Variants in LARP4B observed in about 807,000 individuals in gnomAD.
LARP4B encodes the protein La ribonucleoprotein 4B.
LARP4B carries 12 observed loss-of-function variants against 89.8 expected under a neutral mutation model. That is an observed-to-expected ratio of 0.13 (90% CI 0.09 to 0.22). The LOEUF (loss-of-function observed/expected upper bound fraction) is 0.22, where lower values mean the gene tolerates loss of function less well. Ranked by LOEUF, LARP4B falls within the 10% of genes least tolerant of loss-of-function variation. The pLI, the probability that LARP4B is intolerant of heterozygous loss-of-function variation, is 1.00. For missense variants in LARP4B, 757 were observed against 947.7 expected, an observed-to-expected ratio of 0.80 and a Z score of 2.64; for synonymous variants, 367 against 363.3, an observed-to-expected ratio of 1.01 and a Z score of -0.12.
At chr10:894,845 A>T (rs1482218482) in intron 1 of LARP4B, among the ~76,000 whole-genome samples, 1 of 152,226 alleles carries the variant, frequency 6.6e-6, no homozygotes, top group Non-Finnish European at 1.5e-5. Flanking sequence ...ATGACTGGTG[A>T]ACTGAGGATC....
intron 8 of LARP4B, 64 bp downstream of exon 8, chr10:836,339 A>T (rs1397011666): frequency 8.5e-7 from 1 of 1,172,390 alleles, no homozygotes; most frequent in Non-Finnish European, 1.3e-6. Flanking sequence ...AGTAAAATAA[A>T]ATCAAAACCA....
chr10:934,403 TG>T (rs767092079), upstream of LARP4B, among the ~76,000 whole-genome samples: 87 of 152,068 alleles, frequency 5.7e-4, no homozygotes, highest in Middle Eastern at 6.8e-3. Flanking sequence ...GAGGCTGAGG[TG>T]GGAGGATCGC....
the LARP4B span, among the ~76,000 whole-genome samples, chr10:945,493 T>C: frequency 9.2e-5 from 14 of 151,792 alleles, no homozygotes; most frequent in East Asian, 1.4e-3. Flanking sequence ...GAGACCATCC[T>C]GGCTAATATG....
chr10:933,193 AATT>A (rs1826343974), upstream of LARP4B: 1 of 152,310 alleles, frequency 6.6e-6, no homozygotes, highest in South Asian at 2.1e-4. Context: ...ACATATTATC[AATT>A]ATTCCAAATT....
chr10:884,659 A>T (rs1299044731), intron 2 of LARP4B, among the ~76,000 whole-genome samples, 153 bp from the exon 3 acceptor site: 1 of 152,208 alleles, frequency 6.6e-6, no homozygotes, highest in Non-Finnish European at 1.5e-5. Flanking sequence ...AGAATGTAGG[A>T]GGCTTAAAAT....
chr10:851,700 T>C (rs1238165010), intron 5 of LARP4B, among the ~76,000 whole-genome samples: 5 of 152,046 alleles, frequency 3.3e-5, no homozygotes, highest in African/African-American at 9.7e-5. Context: ...AAACCAAAGC[T>C]CCCTCAAGAA....
intron 13 of LARP4B, among the ~76,000 whole-genome samples, chr10:821,377 A>T (rs1012455903): frequency 6.6e-6 from 1 of 152,090 alleles, no homozygotes; most frequent in African/African-American, 2.4e-5. Flanking sequence ...CTGTGCCCCA[A>T]AGACTTCCTG....
chr10:888,112 G>C (rs547754843), intron 1 of LARP4B, among the ~76,000 whole-genome samples: 122 of 152,032 alleles, frequency 8.0e-4, no homozygotes, highest in African/African-American at 2.8e-3. Flanking sequence ...CTGAGGCCAG[G>C]AGTTCGAGAC....
chr10:987,450 G>C, the LARP4B span: 2 of 152,252 alleles, frequency 1.3e-5, no homozygotes, highest in Non-Finnish European at 2.9e-5. Flanking sequence ...CAGGTTTGCT[G>C]GAGCCAGGCT....
chr10:949,737 A>G, the LARP4B span, among the ~76,000 whole-genome samples: 1 of 152,032 alleles, frequency 6.6e-6, no homozygotes, highest in African/African-American at 2.4e-5. Flanking sequence ...TCTTGTGCTT[A>G]TTTGCCATTC....
the LARP4B span, among the ~76,000 whole-genome samples, chr10:945,482 C>A: frequency 6.6e-6 from 1 of 151,468 alleles, no homozygotes; most frequent in African/African-American, 2.4e-5. Flanking sequence ...GTCAGGAGAT[C>A]GAGACCATCC....
chr10:972,480 C>G, the LARP4B span: 1 of 455,916 alleles, frequency 2.2e-6, no homozygotes, highest in South Asian at 1.6e-5. Flanking sequence ...GCAGGACAGT[C>G]CACAGCTCTC....
upstream of LARP4B, among the ~76,000 whole-genome samples, chr10:935,894 G>C (rs1014289033): frequency 1.4e-5 from 2 of 142,986 alleles, no homozygotes; most frequent in South Asian, 2.2e-4. Flanking sequence ...AATTTTTGTT[G>C]TTTTTTTTTT....
intron 7 of LARP4B, among the ~76,000 whole-genome samples, chr10:841,601 A>C (rs1833524323): frequency 6.6e-6 from 1 of 152,242 alleles, no homozygotes; most frequent in Non-Finnish European, 1.5e-5. Context: ...TCCGAAAAGG[A>C]ATAACTAAAC....
At chr10:839,162 C>T (rs376706662) in intron 7 of LARP4B, among the ~76,000 whole-genome samples, 3 of 152,210 alleles carry the variant, frequency 2.0e-5, no homozygotes, top group African/African-American at 7.2e-5. Context: ...TAAAATTACC[C>T]TGTATGATAC....
the LARP4B span, among the ~76,000 whole-genome samples, chr10:938,772 G>A: frequency 3.9e-5 from 6 of 152,286 alleles, no homozygotes; most frequent in African/African-American, 1.4e-4. Flanking sequence ...TGGTAAATCC[G>A]AGGGTAGGAT....
At position 825,654 on chromosome 10, in the gene LARP4B, A is replaced by G. The variant is rs1054774314; in HGVS notation, c.1232+110T>C. On this transcript the variant is annotated intron_variant, in intron 12 of 17. Transcript: ENST00000316157. ...TTTACAGAATGCAGCTGTGTGCTTC[A>G]GGTGGCTCTGTCTGCGAGGAGCAGG... 9.9e-6 allele frequency: 7 copies of G among 704,358 alleles called. No individual in the cohort carries two copies. The South Asian group carries it at 1.3e-4, about 13-fold the overall frequency. 43.6% of individuals were successfully genotyped at this position (704,358 alleles called of 1,614,324 possible).
chr10:814,470 C>T lies in LARP4B; in HGVS notation c.1929+272G>A. 1.9e-6 allele frequency: 1 copy of T among 529,680 alleles called. No individual in the cohort carries two copies. The highest frequency in any genetic ancestry group is 3.4e-6 in the Non-Finnish European group (1 of 292,820). The allele number at this position is 529,680 out of a possible 1,614,324, so 32.8% of individuals were successfully genotyped here. ...CCTAAAGTCTATGGAGAAACAGGAG[C>T]TGGGGTCTTGTTACTACTCAAGAAA... On this transcript the variant is annotated intron_variant, in intron 17 of 17. Transcript: ENST00000316157. This position sits in a 1 kb window ranked among gnomAD's most constrained non-coding sequence, Gnocchi z 4.4.
the LARP4B span, chr10:973,100 T>C: frequency 2.8e-6 from 1 of 360,166 alleles, no homozygotes. Flanking sequence ...CTGCCTTTCT[T>C]GCAGAGAGTA....
Sources: allele counts gnomAD v4.1 joint callset (sites outside exome capture counted in the v4.1 genomes callset), GRCh38; gene constraint gnomAD v4.1.1; non-coding constraint Gnocchi (gnomAD v3.1); transcripts MANE v1.5; gene names NCBI Gene and HGNC (gene_info 2026-07-23, HGNC 2026-07-21).